ADGRB1: variants seen among roughly 807,000 people sequenced by gnomAD.
ADGRB1 encodes the protein brain-specific angiogenesis inhibitor 1.
In ADGRB1, 36 loss-of-function variants were observed where a neutral mutation model predicts 175.7. The ratio of observed to expected loss-of-function variants is 0.20; its 90% CI spans 0.16 to 0.27. ADGRB1 has a LOEUF of 0.27. ADGRB1 is among the 10% of genes least tolerant of loss of function. ADGRB1 has a pLI of 1.00. For synonymous variants in ADGRB1, 1,054 were observed against 979.4 expected (o/e 1.08, Z -1.42); for missense variants, 1,731 against 2,255.3 (o/e 0.77, Z 4.71).
At chr8:142,488,651 G>A (rs1841820278) in intron 14 of ADGRB1, 144 bp downstream of exon 14, 1 of 1,164,174 alleles carries the variant, frequency 8.6e-7, no homozygotes, top group Non-Finnish European at 1.2e-6. Flanking sequence ...AGCCCTCCTT[G>A]CCCTCTCTGG....
intron 17 of ADGRB1, among the ~76,000 whole-genome samples, chr8:142,498,863 T>G (rs553136023): frequency 4.6e-5 from 7 of 152,274 alleles, no homozygotes; most frequent in Admixed American, 1.3e-4. Flanking sequence ...TGGGAGGGGC[T>G]TCGGCAGTGG....
chr8:142,524,639 C>T (rs942542805), intron 23 of ADGRB1, among the ~76,000 whole-genome samples: 1 of 152,180 alleles, frequency 6.6e-6, no homozygotes, highest in East Asian at 1.9e-4. Context: ...ACGGATGATG[C>T]GAGCAGCGGG....
rs1242875112 is a variant in ADGRB1 at position 142,543,618 on chromosome 8, G to A, written c.4467G>A (p.Arg1489=). ...ELDFEKIMHT[R]KRHQDMFQDL... ...GCCTGCAGAAGATCATGCACACCCG[G>A]AAGCGGCACCAAGACATGTTCCAGG... is the stretch of plus-strand genomic sequence containing the variant. Residue 1489 remains arginine, a synonymous_variant, in exon 30 of 31, where the codon CGG becomes CGA. Transcript: ENST00000517894. This position sits in a 1 kb window ranked among gnomAD's most constrained non-coding sequence, Gnocchi z 4.4. 1.3e-6 allele frequency: 2 copies of A among 1,569,432 alleles called. No homozygotes were observed. Among genetic ancestry groups the A allele is most frequent in the Non-Finnish European group, 1.7e-6 (2 of 1,157,444 alleles).
intron 26 of ADGRB1, among the ~76,000 whole-genome samples, chr8:142,538,104 C>G (rs1255528945): frequency 6.6e-6 from 1 of 152,210 alleles, no homozygotes; most frequent in Non-Finnish European, 1.5e-5. Context: ...AGCTTCCACC[C>G]CAGGTGTTGG....
At chr8:142,496,569 C>T (rs866993910) in intron 17 of ADGRB1, among the ~76,000 whole-genome samples, 3 of 152,146 alleles carry the variant, frequency 2.0e-5, no homozygotes, top group Admixed American at 6.5e-5. Context: ...GTGTTTTACA[C>T]GTAAGAGTTG....
rs75586291 is a variant in ADGRB1, at chr8:142,500,408, A to G, written c.2675+9593A>G. Among the ~76,000 whole-genome samples, 239 of 69,630 alleles carry G rather than the reference A, an allele frequency of 3.4e-3. 24 individuals carry two copies. Among genetic ancestry groups the G allele is most frequent in the African/African-American group, 0.013 (158 of 12,188 alleles). The allele number at this position is 69,630 out of a possible 152,430, so 45.7% of individuals were successfully genotyped here. On this transcript the variant is annotated intron_variant, in intron 17 of 30. Coordinates refer to ENST00000517894, the MANE Select transcript of ADGRB1 (RefSeq NM_001702.3). ...GCGCCGCTCCTCCCCCGCCCCCTAC[A>G]CCGCTCCTCCACCACCCCCCCATGC...
chr8:142,516,497 G>A (rs1452534420), intron 18 of ADGRB1, among the ~76,000 whole-genome samples: 2 of 142,590 alleles, frequency 1.4e-5, no homozygotes, highest in East Asian at 2.2e-4. Context: ...GCGTGTGTGC[G>A]GGCCCCAGGT....
At position 142,494,881 on chromosome 8, in the gene ADGRB1, G is replaced by C. The variant is rs993284677; in HGVS notation, c.2675+4066G>C. ...TAGGGAGGAAAATGGGGAGCAAAGC[G>C]GGGGGTGGGGGTTGCAGAGTTCTCA... On this transcript the variant is annotated intron_variant, in intron 17 of 30. Coordinates refer to ENST00000517894, the MANE Select transcript of ADGRB1 (RefSeq NM_001702.3). Among the ~76,000 whole-genome samples the C allele has an allele frequency of 2.6e-5, 4 of 151,654 alleles. 1 individual carries two copies. The highest frequency in any genetic ancestry group is 9.7e-5 in the African/African-American group (4 of 41,026).
At chr8:142,472,268 G>A (rs1235922303) in intron 2 of ADGRB1, among the ~76,000 whole-genome samples, 1 of 152,198 alleles carries the variant, frequency 6.6e-6, no homozygotes, top group African/African-American at 2.4e-5. Context: ...AAGGACACCA[G>A]GAGGCCTCTC....
intron 1 of ADGRB1, among the ~76,000 whole-genome samples, chr8:142,454,796 CAT>C (rs1839563213): frequency 6.6e-6 from 1 of 152,048 alleles, no homozygotes; most frequent in South Asian, 2.1e-4. Context: ...CTTCTTTTTT[CAT>C]ACTAACTCAT....
intron 22 of ADGRB1, 84 bp downstream of exon 22, chr8:142,522,794 T>C: frequency 1.5e-6 from 2 of 1,305,100 alleles, no homozygotes; most frequent in Non-Finnish European, 1.0e-6. Context: ...GGGCTGGCCA[T>C]GCCCTCCCCC....
rs555560534 is a variant in ADGRB1, at chr8:142,516,485, G to A, written c.2818-1653G>A. On this transcript the variant is annotated intron_variant, in intron 18 of 30. Transcript: ENST00000517894. ...GGGCCCCAGATGTGTGTGTGTGCGC[G>A]CGCGTGTGTGCGGGCCCCAGGTGCG... Among the ~76,000 whole-genome samples the A allele has an allele frequency of 1.9e-4, 26 of 136,850 alleles. 1 individual carries two copies. The highest frequency in any genetic ancestry group is 3.9e-4 in the African/African-American group (14 of 36,306). 89.8% of individuals were successfully genotyped at this position (136,850 alleles called of 152,430 possible).
chr8:142,513,429 T>C (rs60793160), intron 18 of ADGRB1, among the ~76,000 whole-genome samples: 6,710 of 152,200 alleles, frequency 0.044, 403 homozygotes, highest in African/African-American at 0.13. Context: ...CACCACCTCT[T>C]CCTCCTCAGC....
At position 142,526,685 on chromosome 8, in the gene ADGRB1, C is replaced by G. The variant is rs1278245786; in HGVS notation, c.3398+58C>G. 6.0e-6 allele frequency: 9 copies of G among 1,509,816 alleles called. No individual in the cohort carries two copies. In the African/African-American group the frequency reaches 6.9e-5, roughly 12 times the overall value. 93.5% of individuals were successfully genotyped at this position (1,509,816 alleles called of 1,614,324 possible). ...CCGGAGTGCAAGACCCAGAGCCCAC[C>G]CAGCCCCGGGGGATGGAGAACGCTC... On this transcript the variant is annotated intron_variant, in intron 24 of 30. Coordinates refer to ENST00000517894, the MANE Select transcript of ADGRB1 (RefSeq NM_001702.3).
At chr8:142,517,670 G>A (rs1005661787) in intron 18 of ADGRB1, among the ~76,000 whole-genome samples, 1 of 152,122 alleles carries the variant, frequency 6.6e-6, no homozygotes, top group Non-Finnish European at 1.5e-5. Flanking sequence ...GGGTGTCAGG[G>A]CCTGGCTGGA....
At chr8:142,486,287 A>G (rs886655874) in intron 13 of ADGRB1, among the ~76,000 whole-genome samples, 2 of 152,168 alleles carry the variant, frequency 1.3e-5, no homozygotes, top group African/African-American at 4.8e-5. Context: ...AAACCAGATG[A>G]AAGGAATAAT....
At position 142,522,073 on chromosome 8, in the gene ADGRB1, C is replaced by T. The variant is rs749091176; in HGVS notation, c.3133C>T (p.Arg1045Trp). The part of the protein sequence containing the change: ...QSYMAVTGHL[R>W]NRLIRKRFLC... Reference sequence around the variant, plus strand: ...CTACATGGCGGTGACGGGCCACCTCCGGAACCGCCTCATCCGCAAGCGCTT... The same window carrying T: ...CTACATGGCGGTGACGGGCCACCTCTGGAACCGCCTCATCCGCAAGCGCTT... The change falls in exon 21 of 31, where the codon CGG becomes TGG. Residue 1045 changes from arginine to tryptophan, a missense_variant. By Grantham distance (101) the Arg-to-Trp change is moderately radical. This residue lies in a region of ADGRB1 where 301 missense variants were observed against 488.4 expected (regional missense o/e 0.62). Coordinates refer to ENST00000517894, the MANE Select transcript of ADGRB1 (RefSeq NM_001702.3). 3 of 1,612,404 alleles carry T rather than the reference C, an allele frequency of 1.9e-6. No individual in the cohort carries two copies. Among genetic ancestry groups the T allele is most frequent in the South Asian group, 1.1e-5 (1 of 91,048 alleles).
chr8:142,518,350 C>T (rs1843571348), intron 19 of ADGRB1, 109 bp downstream of exon 19: 2 of 1,150,716 alleles, frequency 1.7e-6, no homozygotes, highest in Non-Finnish European at 1.3e-6. Flanking sequence ...TCCATTTGTC[C>T]TCACGTTCCC....
At chr8:142,456,177 A>T (rs900048093) in intron 1 of ADGRB1, among the ~76,000 whole-genome samples, 3 of 151,968 alleles carry the variant, frequency 2.0e-5, no homozygotes, top group Admixed American at 1.3e-4. Context: ...CCCTGTGCCC[A>T]TTCCAGATCT....
Sources: allele counts gnomAD v4.1 joint callset (sites outside exome capture counted in the v4.1 genomes callset), GRCh38; gene constraint gnomAD v4.1.1; regional missense constraint gnomAD v4.1.1; non-coding constraint Gnocchi (gnomAD v3.1); transcripts MANE v1.5; gene names NCBI Gene and HGNC (gene_info 2026-07-23, HGNC 2026-07-21).